The following DGKB variants were observed in gnomAD, a reference collection of about 807,000 sequenced individuals.
DGKB encodes the protein 90 kDa diacylglycerol kinase.
In DGKB, 67 loss-of-function variants were observed where a neutral mutation model predicts 114.3. The observed-to-expected ratio is 0.59, with a 90% CI of 0.48 to 0.72. DGKB has a LOEUF of 0.72. Ranked by LOEUF, DGKB falls within the 30% of genes least tolerant of loss-of-function variation. The pLI, the probability that DGKB is intolerant of heterozygous loss-of-function variation, is 0.00. For missense variants in DGKB, 907 were observed against 975.2 expected (o/e 0.93, Z 0.93); for synonymous variants, 398 against 323.1 (o/e 1.23, Z -2.49).
At chr7:14,765,227 A>G (rs1339347395) in intron 2 of DGKB, among the ~76,000 whole-genome samples, 1 of 152,006 alleles carries the variant, frequency 6.6e-6, no homozygotes, top group East Asian at 1.9e-4. Flanking sequence ...CTCCAGGCTC[A>G]CCACAGGATT....
At chr7:14,774,553 T>A (rs189481699) in intron 2 of DGKB, among the ~76,000 whole-genome samples, 21 of 152,340 alleles carry the variant, frequency 1.4e-4, no homozygotes, top group African/African-American at 4.6e-4. Flanking sequence ...ATCTCATTGA[T>A]GACTTAAACC....
intron 25 of DGKB, among the ~76,000 whole-genome samples, chr7:14,164,758 G>A (rs1445582561): frequency 1.3e-5 from 2 of 151,986 alleles, no homozygotes; most frequent in African/African-American, 4.8e-5. Flanking sequence ...TAACTTTTTG[G>A]GGGGGTATAA....
chr7:14,464,392 G>C (rs941165589), intron 21 of DGKB, among the ~76,000 whole-genome samples: 2 of 151,888 alleles, frequency 1.3e-5, no homozygotes, highest in Admixed American at 6.6e-5. Flanking sequence ...AATTAAATAA[G>C]ACAAAGTTAG....
chr7:14,274,975 T>TTGTG (rs544833771), intron 23 of DGKB, among the ~76,000 whole-genome samples: 12,281 of 133,672 alleles, frequency 0.092, 704 homozygotes, highest in Non-Finnish European at 0.13. Context: ...GTGTGTGTGT[T>TTGTG]TGTGTGTGCG....
chr7:14,770,521 AATAG>A (rs1393591199), intron 2 of DGKB, among the ~76,000 whole-genome samples: 2 of 152,142 alleles, frequency 1.3e-5, no homozygotes, highest in African/African-American at 4.8e-5. Context: ...CTAAATGAAG[AATAG>A]ATAGTCAAAG....
chr7:14,649,681 A>G (rs1813991369), intron 13 of DGKB, among the ~76,000 whole-genome samples: 1 of 144,538 alleles, frequency 6.9e-6, no homozygotes, highest in Admixed American at 7.0e-5. Flanking sequence ...AAATGCTCCA[A>G]TTAAAAGACA....
chr7:14,784,896 A>G (rs559242618), intron 2 of DGKB, among the ~76,000 whole-genome samples: 1 of 151,518 alleles, frequency 6.6e-6, no homozygotes, highest in East Asian at 2.0e-4. Context: ...AATATATTCT[A>G]TGTGTATTTG....
intron 6 of DGKB, among the ~76,000 whole-genome samples, chr7:14,705,813 A>G (rs186024872): frequency 8.3e-4 from 127 of 152,264 alleles, no homozygotes; most frequent in African/African-American, 2.7e-3. Context: ...CTCCTGAAGG[A>G]AGCGCTAAAT....
rs1584525372 is a variant in DGKB at position 14,518,917 on chromosome 7, G to C, written c.1771-40692C>G. Reference sequence around the variant, plus strand: ...ATTCAGTAGGTATGGGATAGGGTCAGAGAATTTGCATTTCCAAGTTCCCAG... The same window carrying C: ...ATTCAGTAGGTATGGGATAGGGTCACAGAATTTGCATTTCCAAGTTCCCAG... On this transcript the variant is annotated intron_variant, in intron 20 of 25. Coordinates refer to ENST00000402815, the MANE Select transcript of DGKB (RefSeq NM_001350709.2). Among the ~76,000 whole-genome samples, 2 of 152,166 alleles carry C rather than the reference G, an allele frequency of 1.3e-5. 1 individual carries two copies. The highest frequency in any genetic ancestry group is 3.9e-4 in the East Asian group (2 of 5,182).
chr7:14,866,888 G>A (rs938938093), intron 1 of DGKB, among the ~76,000 whole-genome samples: 2 of 152,090 alleles, frequency 1.3e-5, no homozygotes, highest in Non-Finnish European at 2.9e-5. Context: ...CCTTAATAGC[G>A]TTTGATGTTG....
At chr7:14,289,412 GAACA>G (rs1185153401) in intron 23 of DGKB, among the ~76,000 whole-genome samples, 2 of 152,012 alleles carry the variant, frequency 1.3e-5, no homozygotes, top group Non-Finnish European at 2.9e-5. Context: ...GGCAGTTTCT[GAACA>G]ATAATAACAT....
At chr7:14,774,437 G>A (rs2128476986) in intron 2 of DGKB, among the ~76,000 whole-genome samples, 1 of 152,242 alleles carries the variant, frequency 6.6e-6, no homozygotes, top group East Asian at 1.9e-4. Context: ...GTATGAAATG[G>A]AAAATGTCAA....
chr7:14,809,050 C>A (rs1188885459), intron 2 of DGKB, among the ~76,000 whole-genome samples: 1 of 152,178 alleles, frequency 6.6e-6, no homozygotes, highest in African/African-American at 2.4e-5. Context: ...AGAAACAAAT[C>A]ATGAGAAAGT....
intron 1 of DGKB, among the ~76,000 whole-genome samples, chr7:14,969,419 T>C (rs541412110): frequency 5.3e-5 from 8 of 152,258 alleles, no homozygotes; most frequent in African/African-American, 1.7e-4. Context: ...CATACAAACC[T>C]AGATGGCACA....
chr7:14,147,426 A>G lies in DGKB; in HGVS notation c.*1705T>C, dbSNP rs555581590. On this transcript the variant is annotated 3_prime_UTR_variant, in exon 26 of 26. Coordinates refer to ENST00000402815, the MANE Select transcript of DGKB (RefSeq NM_001350709.2). ...GAATACACTTTGTACGTAATCTTCC[A>G]TTATAGCACATTGCTTGAGAGCAGC... is the stretch of plus-strand genomic sequence containing the variant. The G allele has an allele frequency of 4.5e-4, 68 of 152,292 alleles. No individual in the cohort carries two copies. Among genetic ancestry groups the G allele is most frequent in the African/African-American group, 1.6e-3 (67 of 41,590 alleles). The allele number at this position is 152,292 out of a possible 1,614,324, so 9.4% of individuals were successfully genotyped here.
rs189528152 is a variant in DGKB, at chr7:14,856,631, A to G, written c.-187-15181T>C. The stretch of plus-strand genomic sequence containing the variant: ...CACGTGGCTCTGTCTCATTGATGTC[A>G]CTGCTGTAGAGTAAAAGTATTCATT... On this transcript the variant is annotated intron_variant, in intron 1 of 25. Transcript: ENST00000402815. Among the ~76,000 whole-genome samples the G allele has an allele frequency of 2.2e-3, 340 of 151,726 alleles. 1 individual carries two copies. The highest frequency in any genetic ancestry group is 8.1e-3 in the African/African-American group (335 of 41,186).
intron 5 of DGKB, among the ~76,000 whole-genome samples, chr7:14,728,308 T>C (rs148432942): frequency 6.6e-6 from 1 of 152,320 alleles, no homozygotes; most frequent in African/African-American, 2.4e-5. Flanking sequence ...GTGTAATTAT[T>C]TTCTGGCTTA....
At chr7:14,667,956 G>A (rs1204861399) in intron 13 of DGKB, among the ~76,000 whole-genome samples, 5 of 152,022 alleles carry the variant, frequency 3.3e-5, no homozygotes, top group Non-Finnish European at 7.4e-5. Flanking sequence ...AGAATTACAA[G>A]CAGTTCAATT....
At chr7:14,414,525 A>G (rs1289922627) in intron 21 of DGKB, among the ~76,000 whole-genome samples, 1 of 152,172 alleles carries the variant, frequency 6.6e-6, no homozygotes, top group Non-Finnish European at 1.5e-5. Context: ...AAGTCATTTA[A>G]TTAATCAGAG....
Sources: allele counts gnomAD v4.1 joint callset (sites outside exome capture counted in the v4.1 genomes callset), GRCh38; gene constraint gnomAD v4.1.1; transcripts MANE v1.5; gene names NCBI Gene and HGNC (gene_info 2026-07-23, HGNC 2026-07-21).